Variants in TCF7L1 observed in about 807,000 individuals in gnomAD.
TCF7L1 encodes the protein transcription factor 7-like 1.
Under a neutral mutation model 63.7 loss-of-function variants are expected in TCF7L1, and 18 were observed. The observed-to-expected ratio is 0.28, with a 90% CI of 0.20 to 0.42. The LOEUF is 0.42. TCF7L1 is among the 10% of genes least tolerant of loss of function. The pLI, the probability that TCF7L1 is intolerant of heterozygous loss-of-function variation, is 1.00. For missense variants in TCF7L1, 654 were observed against 779.3 expected (o/e 0.84, Z 1.91); for synonymous variants, 355 against 340.9 (o/e 1.04, Z -0.46).
chr2:85,145,902 G>T (rs1310496587), intron 3 of TCF7L1, among the ~76,000 whole-genome samples: 1 of 150,936 alleles, frequency 6.6e-6, no homozygotes, highest in Admixed American at 6.6e-5. Context: ...ATAGAGACAG[G>T]GTCTCACTAT....
intron 3 of TCF7L1, among the ~76,000 whole-genome samples, chr2:85,165,635 G>A (rs534755056): frequency 6.6e-6 from 1 of 152,320 alleles, no homozygotes; most frequent in African/African-American, 2.4e-5. Flanking sequence ...ACCTGTTTGG[G>A]GCGGCCTGGA....
At chr2:85,272,619 C>T (rs1374493813) in intron 3 of TCF7L1, among the ~76,000 whole-genome samples, 1 of 151,264 alleles carries the variant, frequency 6.6e-6, no homozygotes, top group African/African-American at 2.4e-5. Context: ...CATAGTGAGA[C>T]CCTGTCTCTA....
At chr2:85,228,750 T>G (rs1054131579) in intron 3 of TCF7L1, among the ~76,000 whole-genome samples, 10 of 151,846 alleles carry the variant, frequency 6.6e-5, no homozygotes, top group African/African-American at 2.4e-4. Context: ...GCTCGGTGGC[T>G]CACGCCTGTA....
chr2:85,187,616 G>T (rs1678954610), intron 3 of TCF7L1, among the ~76,000 whole-genome samples: 1 of 152,110 alleles, frequency 6.6e-6, no homozygotes, highest in African/African-American at 2.4e-5. Flanking sequence ...CCATTGAATT[G>T]TTTTTACACC....
At chr2:85,265,916 T>G (rs985846784) in intron 3 of TCF7L1, among the ~76,000 whole-genome samples, 7 of 152,180 alleles carry the variant, frequency 4.6e-5, no homozygotes, top group Non-Finnish European at 8.8e-5. Flanking sequence ...CCCAGAGAGA[T>G]TAAGTTCAAC....
intron 3 of TCF7L1, among the ~76,000 whole-genome samples, chr2:85,138,245 G>A (rs1465403201): frequency 6.6e-6 from 1 of 152,088 alleles, no homozygotes; most frequent in African/African-American, 2.4e-5. Flanking sequence ...GTCCTCAAAC[G>A]CGTGCTCATT....
In TCF7L1 at chr2:85,269,875, G is replaced by T. The variant is rs1173636924; in HGVS notation, c.442-13620G>T. ...GTAGGGTGCAGGACCCCTTCTTCAG[G>T]CTCCTTTATCAGGAGCAATGGCCCT... On this transcript the variant is annotated intron_variant, in intron 3 of 11. Coordinates refer to ENST00000282111, the MANE Select transcript of TCF7L1 (RefSeq NM_031283.3). Among the ~76,000 whole-genome samples the T allele has an allele frequency of 3.3e-5, 5 of 152,230 alleles. No individual in the cohort carries two copies. In the East Asian group the frequency reaches 5.8e-4, roughly 18 times the overall value.
At chr2:85,236,206 A>G (rs1680189367) in intron 3 of TCF7L1, among the ~76,000 whole-genome samples, 1 of 152,058 alleles carries the variant, frequency 6.6e-6, no homozygotes, top group African/African-American at 2.4e-5. Flanking sequence ...TCATGCCAAG[A>G]TGGCTTTAAC....
chr2:85,262,408 AAAAAG>A lies in TCF7L1; in HGVS notation c.442-21084_442-21080del, dbSNP rs901277581. 7.8e-6 allele frequency: 3 copies of A among 383,438 alleles called. 1 individual carries two copies. Among genetic ancestry groups the A allele is most frequent in the South Asian group, 6.6e-5 (3 of 45,570 alleles). The allele number at this position is 383,438 out of a possible 1,614,324, so 23.8% of individuals were successfully genotyped here. A position where few individuals can be genotyped will look rare whatever the true frequency, so the allele number is the denominator to read the frequency against. ...CTCTTAAAAGAAAAAAAAAAAAACT[AAAAAG>A]AATAAGATGTAGGCTTAGGGCTTCC... On this transcript the variant is annotated intron_variant, in intron 3 of 11. Transcript: ENST00000282111.
At chr2:85,238,747 TGGATG>T (rs1196197262) in intron 3 of TCF7L1, among the ~76,000 whole-genome samples, 1 of 152,116 alleles carries the variant, frequency 6.6e-6, no homozygotes, top group East Asian at 1.9e-4. Flanking sequence ...TACTTTAGGT[TGGATG>T]GACAGGGAAC....
intron 3 of TCF7L1, among the ~76,000 whole-genome samples, chr2:85,179,791 A>G (rs974012815): frequency 2.0e-5 from 3 of 152,132 alleles, no homozygotes; most frequent in African/African-American, 4.8e-5. Context: ...TGAGCTAAGC[A>G]TTTTCCACGG....
chr2:85,155,834 C>T (rs1678130089), intron 3 of TCF7L1, among the ~76,000 whole-genome samples: 1 of 152,038 alleles, frequency 6.6e-6, no homozygotes. Context: ...TTGTTAGTTA[C>T]ATAAATAGGA....
rs184618583 is a variant in TCF7L1, at chr2:85,182,760, A to T, written c.441+48310A>T. Among the ~76,000 whole-genome samples, 273 of 152,374 alleles carry T rather than the reference A, an allele frequency of 1.8e-3. 1 individual carries two copies. The highest frequency in any genetic ancestry group is 6.3e-3 in the African/African-American group (261 of 41,596). On this transcript the variant is annotated intron_variant, in intron 3 of 11. Coordinates refer to ENST00000282111, the MANE Select transcript of TCF7L1 (RefSeq NM_031283.3). ...TCACGGTCCAATGCAAGTCTGCATC[A>T]GCACTGCCTGTTCATTCAGGAACCC...
chr2:85,136,202 A>G (rs531885332), intron 3 of TCF7L1, among the ~76,000 whole-genome samples: 3 of 152,250 alleles, frequency 2.0e-5, no homozygotes, highest in Admixed American at 1.3e-4. Flanking sequence ...TTCACCATCA[A>G]ATATGACTAT....
intron 3 of TCF7L1, among the ~76,000 whole-genome samples, chr2:85,197,591 G>T (rs370078397): frequency 1.3e-5 from 2 of 152,242 alleles, no homozygotes; most frequent in African/African-American, 2.4e-5. Context: ...TGGAAATTAA[G>T]ATTTTTTTTT....
chr2:85,187,073 C>A (rs145801341), intron 3 of TCF7L1: 54 of 152,338 alleles, frequency 3.5e-4, no homozygotes, highest in African/African-American at 1.2e-3. Flanking sequence ...TTTGGAAGAA[C>A]TGACCTTATT....
intron 3 of TCF7L1, among the ~76,000 whole-genome samples, chr2:85,268,722 G>A (rs143956689): frequency 9.3e-5 from 14 of 151,070 alleles, no homozygotes; most frequent in Admixed American, 4.0e-4. Context: ...GATTACAGGC[G>A]TCAGCCACCG....
intron 3 of TCF7L1, among the ~76,000 whole-genome samples, chr2:85,162,658 G>C (rs1678317677): frequency 6.6e-6 from 1 of 152,276 alleles, no homozygotes. Context: ...ACCTTCGGTT[G>C]CCTTGGGGGT....
chr2:85,236,192 AGACTC>A (rs915402319), intron 3 of TCF7L1, among the ~76,000 whole-genome samples: 2 of 151,924 alleles, frequency 1.3e-5, no homozygotes, highest in African/African-American at 4.8e-5. Context: ...CCCAACCTTG[AGACTC>A]ATGCCAAGAT....
Sources: allele counts gnomAD v4.1 joint callset (sites outside exome capture counted in the v4.1 genomes callset), GRCh38; gene constraint gnomAD v4.1.1; transcripts MANE v1.5; gene names NCBI Gene and HGNC (gene_info 2026-07-23, HGNC 2026-07-21).